Variants in TVP23A observed in about 807,000 individuals in gnomAD.
TVP23A encodes Golgi apparatus membrane protein TVP23 homolog A.
TVP23A carries 21 observed loss-of-function variants against 31.7 expected under a neutral mutation model. The observed-to-expected ratio is 0.66, with a 90% CI of 0.47 to 0.95. The LOEUF (loss-of-function observed/expected upper bound fraction) is 0.95, where lower values mean the gene tolerates loss of function less well. Ranked by LOEUF, TVP23A falls within the 40% of genes least tolerant of loss-of-function variation. TVP23A has a pLI of 0.00. For missense variants in TVP23A, 279 were observed against 255.6 expected (o/e 1.09, Z -0.62); for synonymous variants, 104 against 96.0 (o/e 1.08, Z -0.49).
At chr16:10,770,890 A>AAAAAAAAAAAAAAAAAAG (rs1484293320) in intron 6 of TVP23A, among the ~76,000 whole-genome samples, 1 of 138,462 alleles carries the variant, frequency 7.2e-6, no homozygotes, top group Non-Finnish European at 1.6e-5. Context: ...AAAAAAAAAA[A>AAAAAAAAAAAAAAAAAAG]AAAAAATTGA....
chr16:10,776,317 G>A (rs552017219), intron 2 of TVP23A, among the ~76,000 whole-genome samples: 68 of 152,178 alleles, frequency 4.5e-4, no homozygotes, highest in African/African-American at 1.6e-3. Context: ...GGAGGTTGCA[G>A]TGAGCCAAGA....
At chr16:10,775,555 G>C in intron 2 of TVP23A, 1 of 1,015,350 alleles carries the variant, frequency 9.8e-7, no homozygotes, top group Non-Finnish European at 1.2e-6. Flanking sequence ...TTCCTGGACA[G>C]AGGGAAACAT....
chr16:10,771,299 G>A (rs2031599131), intron 6 of TVP23A, among the ~76,000 whole-genome samples: 1 of 152,160 alleles, frequency 6.6e-6, no homozygotes, highest in Non-Finnish European at 1.5e-5. Context: ...CCAGCACTTT[G>A]GGAGGCCAAG....
At chr16:10,789,410 A>G (rs961461405) in intron 2 of TVP23A, among the ~76,000 whole-genome samples, 2 of 152,220 alleles carry the variant, frequency 1.3e-5, no homozygotes, top group Non-Finnish European at 2.9e-5. Context: ...TGAGCCAAAT[A>G]TGAGTGACCG....
rs894499609 is a variant in TVP23A at position 10,777,503 on chromosome 16, T to A, written c.90-2407A>T. On this transcript the variant is annotated intron_variant, in intron 2 of 7. Transcript: ENST00000299866. The surrounding 1 kb of genome is among the most constrained non-coding windows in gnomAD (Gnocchi z 4.5). ...TCATTCTCCCCAAGAAGAAACGGAG[T>A]CCGAGTCAACAAACCACAGGTGCCT... Among the ~76,000 whole-genome samples the A allele has an allele frequency of 6.6e-6, 1 of 151,522 alleles. No individual in the cohort carries two copies. Among genetic ancestry groups the A allele is most frequent in the Non-Finnish European group, 1.5e-5 (1 of 67,918 alleles).
At chr16:10,817,977 C>T in intron 2 of TVP23A, 126 bp downstream of exon 2, 1 of 813,312 alleles carries the variant, frequency 1.2e-6, no homozygotes. Flanking sequence ...GATGTGTCCA[C>T]AGATATGTCC....
chr16:10,776,868 T>C (rs1303902218), intron 2 of TVP23A, among the ~76,000 whole-genome samples: 3 of 152,140 alleles, frequency 2.0e-5, no homozygotes, highest in Admixed American at 6.6e-5. Flanking sequence ...CTGTGAACTG[T>C]CATGGTGCTG....
chr16:10,778,553 A>AC (rs1490941161), intron 2 of TVP23A, among the ~76,000 whole-genome samples: 1 of 152,112 alleles, frequency 6.6e-6, no homozygotes, highest in Admixed American at 6.6e-5. Context: ...CCCCAAAAGC[A>AC]CCCAGTATTT....
chr16:10,776,591 A>AAGAG (rs1371338530), intron 2 of TVP23A, among the ~76,000 whole-genome samples: 2 of 152,140 alleles, frequency 1.3e-5, no homozygotes, highest in Non-Finnish European at 1.5e-5. Context: ...TTATACCAGA[A>AAGAG]AGGGTTTCAG....
intron 2 of TVP23A, among the ~76,000 whole-genome samples, chr16:10,804,850 G>A (rs1380844507): frequency 6.6e-6 from 1 of 152,194 alleles, no homozygotes; most frequent in East Asian, 1.9e-4. Context: ...ACACACTCCA[G>A]TGGCATGAAG....
chr16:10,799,780 T>C (rs555993941), intron 2 of TVP23A, among the ~76,000 whole-genome samples: 1 of 152,144 alleles, frequency 6.6e-6, no homozygotes, highest in Non-Finnish European at 1.5e-5. Context: ...TGGGGGTGAG[T>C]GGATGAGACC....
At chr16:10,815,232 C>T (rs11644545) in intron 2 of TVP23A, among the ~76,000 whole-genome samples, 9 of 152,094 alleles carry the variant, frequency 5.9e-5, no homozygotes, top group Admixed American at 3.9e-4. Flanking sequence ...TCCATCTCTA[C>T]TAAAACAAAA....
chr16:10,762,097 G>A, downstream of TVP23A: 1 of 439,544 alleles, frequency 2.3e-6, no homozygotes. Flanking sequence ...AGGCCTGGAA[G>A]AATGGGGTAG....
intron 2 of TVP23A, among the ~76,000 whole-genome samples, chr16:10,817,009 T>A (rs757127200): frequency 3.5e-4 from 53 of 151,132 alleles, no homozygotes; most frequent in East Asian, 9.7e-4. Context: ...GCTATAACAC[T>A]GGCCTTGAAG....
chr16:10,802,886 G>C (rs1261723404), intron 2 of TVP23A, among the ~76,000 whole-genome samples: 2 of 152,194 alleles, frequency 1.3e-5, no homozygotes, highest in East Asian at 3.8e-4. Context: ...CTAAATTTGA[G>C]ATGTCATTTA....
intron 2 of TVP23A, among the ~76,000 whole-genome samples, chr16:10,814,314 G>C (rs1384083113): frequency 6.6e-6 from 1 of 152,094 alleles, no homozygotes; most frequent in Non-Finnish European, 1.5e-5. Flanking sequence ...TCGAGCTCCT[G>C]GCCTCTCCTC....
chr16:10,807,152 G>C (rs1453397749), intron 2 of TVP23A, among the ~76,000 whole-genome samples: 2 of 152,164 alleles, frequency 1.3e-5, no homozygotes, highest in Admixed American at 6.5e-5. Flanking sequence ...CACTCATTGA[G>C]GTGAGCAGAA....
intron 2 of TVP23A, among the ~76,000 whole-genome samples, chr16:10,791,942 AAAC>A (rs1401394539): frequency 6.6e-6 from 1 of 152,226 alleles, no homozygotes; most frequent in African/African-American, 2.4e-5. Flanking sequence ...AGTAAGAAGC[AAAC>A]AACATGGCAT....
Position 10,818,358 on chromosome 16 carries a change from C to G in TVP23A, c.9+127G>C. 2 of 1,443,136 alleles carry G rather than the reference C, an allele frequency of 1.4e-6. No individual in the cohort carries two copies. Among genetic ancestry groups the G allele is most frequent in the Non-Finnish European group, 1.9e-6 (2 of 1,063,690 alleles). 89.4% of individuals were successfully genotyped at this position (1,443,136 alleles called of 1,614,324 possible). On this transcript the variant is annotated intron_variant, in intron 1 of 7. Coordinates refer to ENST00000299866, the MANE Select transcript of TVP23A (RefSeq NM_001079512.4). This position sits in a 1 kb window ranked among gnomAD's most constrained non-coding sequence, Gnocchi z 4.7. ...CAGTGCAAAGCCCTCTCCACCCTCCCGACCACCGGGTGCAGCCCAGCCCCA... is the reference window on the plus strand; with the variant it reads ...CAGTGCAAAGCCCTCTCCACCCTCCGGACCACCGGGTGCAGCCCAGCCCCA...
Sources: allele counts gnomAD v4.1 joint callset (sites outside exome capture counted in the v4.1 genomes callset), GRCh38; gene constraint gnomAD v4.1.1; non-coding constraint Gnocchi (gnomAD v3.1); transcripts MANE v1.5; gene names NCBI Gene and HGNC (gene_info 2026-07-23, HGNC 2026-07-21).